SUCLG2: variants seen among roughly 807,000 people sequenced by gnomAD.
SUCLG2 encodes the protein succinate-CoA ligase GDP-forming subunit beta, also known as succinate--CoA ligase [GDP-forming] subunit beta, mitochondrial.
Under a neutral mutation model 47.9 loss-of-function variants are expected in SUCLG2, and 42 were observed. The observed-to-expected ratio is 0.88, with a 90% CI of 0.69 to 1.14. The LOEUF is 1.14. Ranked by LOEUF, SUCLG2 falls within the 50% of genes most tolerant of loss-of-function variation. The pLI is 0.00. For missense variants in SUCLG2, 571 were observed against 525.9 expected, an observed-to-expected ratio of 1.09 and a Z score of -0.84; for synonymous variants, 195 against 197.3, an observed-to-expected ratio of 0.99 and a Z score of 0.10.
chr3:67,415,876 T>C (rs1454557391), intron 9 of SUCLG2, among the ~76,000 whole-genome samples: 1 of 152,332 alleles, frequency 6.6e-6, no homozygotes, highest in East Asian at 1.9e-4. Context: ...CATGACAGTG[T>C]GCGACTTTTG....
intron 2 of SUCLG2, among the ~76,000 whole-genome samples, chr3:67,596,470 T>C (rs535309016): frequency 1.3e-5 from 2 of 152,192 alleles, no homozygotes; most frequent in Non-Finnish European, 2.9e-5. Flanking sequence ...AAAGGGAAAG[T>C]AGTTTTTGCC....
chr3:67,553,550 AAATTT>A (rs1047714182), intron 2 of SUCLG2, among the ~76,000 whole-genome samples: 5 of 152,314 alleles, frequency 3.3e-5, no homozygotes, highest in South Asian at 2.1e-4. Flanking sequence ...TATCATTTAC[AAATTT>A]AATTTAATTT....
At chr3:67,652,971 C>T (rs751593949) in intron 1 of SUCLG2, among the ~76,000 whole-genome samples, 1 of 152,172 alleles carries the variant, frequency 6.6e-6, no homozygotes, top group Non-Finnish European at 1.5e-5. Flanking sequence ...ATCACAGTAA[C>T]CAGATGGGGC....
At chr3:67,372,372 T>C (rs1381256051), downstream of SUCLG2, among the ~76,000 whole-genome samples, 2 of 147,086 alleles carry the variant, frequency 1.4e-5, no homozygotes, top group Non-Finnish European at 1.5e-5. Context: ...AGTAATGTGG[T>C]GGGGATCAAG....
chr3:67,516,829 C>T (rs566910826), intron 6 of SUCLG2, among the ~76,000 whole-genome samples: 20 of 152,272 alleles, frequency 1.3e-4, no homozygotes, highest in South Asian at 8.3e-4. Flanking sequence ...AGCTGACTGC[C>T]AGACAGTGCA....
intron 9 of SUCLG2, among the ~76,000 whole-genome samples, chr3:67,423,327 T>C (rs534694937): frequency 3.1e-4 from 47 of 152,312 alleles, no homozygotes; most frequent in Non-Finnish European, 7.4e-5. Context: ...CATGCGGAAC[T>C]GTGAGTCAAT....
chr3:67,475,185 T>C (rs927314178), intron 9 of SUCLG2, among the ~76,000 whole-genome samples: 2 of 152,196 alleles, frequency 1.3e-5, no homozygotes, highest in African/African-American at 2.4e-5. Context: ...CTCCTGACAC[T>C]GTAGGAGAAT....
At chr3:67,528,072 T>C in intron 4 of SUCLG2, 60 bp downstream of exon 4, 4 of 1,455,610 alleles carry the variant, frequency 2.7e-6, no homozygotes, top group South Asian at 1.2e-5. Flanking sequence ...AACTGAAGGA[T>C]GGTTTTCTTT....
At position 67,600,669 on chromosome 3, in the gene SUCLG2, C is replaced by T. The variant is rs540594315; in HGVS notation, c.226+8786G>A. Among the ~76,000 whole-genome samples the T allele has an allele frequency of 3.9e-4, 59 of 152,304 alleles. No individual in the cohort carries two copies. In the South Asian group the frequency reaches 0.012, roughly 31 times the overall value. On this transcript the variant is annotated intron_variant, in intron 2 of 10. Transcript: ENST00000307227. ...AAGCATGGATTGAAACTGTATTTCC[C>T]AGCCACCCTTGAAGTTGGTTGAGAT...
intron 2 of SUCLG2, among the ~76,000 whole-genome samples, chr3:67,599,122 A>T (rs1708359274): frequency 6.6e-6 from 1 of 152,216 alleles, no homozygotes; most frequent in Admixed American, 6.5e-5. Flanking sequence ...TCTCCTAGGA[A>T]TCATTATTAC....
chr3:67,490,553 C>G (rs1403879756), intron 9 of SUCLG2, among the ~76,000 whole-genome samples: 2 of 152,154 alleles, frequency 1.3e-5, no homozygotes, highest in Non-Finnish European at 2.9e-5. Context: ...TTACACCTTC[C>G]ATCAATTTCA....
chr3:67,423,090 C>A (rs749446354), intron 9 of SUCLG2, among the ~76,000 whole-genome samples: 16 of 152,160 alleles, frequency 1.1e-4, no homozygotes, highest in Non-Finnish European at 1.8e-4. Context: ...CCACCCAAAT[C>A]TCACCTTGCA....
intron 10 of SUCLG2, among the ~76,000 whole-genome samples, chr3:67,389,871 A>G: frequency 6.6e-6 from 1 of 152,140 alleles, no homozygotes; most frequent in Middle Eastern, 3.2e-3. Context: ...TTCTTTATTC[A>G]TATCAATATT....
At chr3:67,484,932 T>C (rs544994815) in intron 9 of SUCLG2, among the ~76,000 whole-genome samples, 1 of 152,296 alleles carries the variant, frequency 6.6e-6, no homozygotes, top group Admixed American at 6.5e-5. Context: ...ATAAATCATT[T>C]GAGGATTCTA....
chr3:67,417,208 G>A (rs962166880), intron 9 of SUCLG2, among the ~76,000 whole-genome samples: 1 of 152,152 alleles, frequency 6.6e-6, no homozygotes, highest in Non-Finnish European at 1.5e-5. Flanking sequence ...AAGATACTTG[G>A]TGTAACTGTA....
intron 9 of SUCLG2, among the ~76,000 whole-genome samples, chr3:67,442,081 G>A (rs1703779515): frequency 6.9e-6 from 1 of 144,370 alleles, no homozygotes; most frequent in Non-Finnish European, 1.5e-5. Flanking sequence ...CGGGATCTCA[G>A]CTCACTGCAA....
chr3:67,611,742 C>T (rs1220635576), intron 1 of SUCLG2, among the ~76,000 whole-genome samples: 1 of 152,170 alleles, frequency 6.6e-6, no homozygotes, highest in East Asian at 1.9e-4. Context: ...TTCATCAGAA[C>T]ACTCGCCATA....
At chr3:67,629,324 A>G (rs1257900391) in intron 1 of SUCLG2, among the ~76,000 whole-genome samples, 1 of 152,356 alleles carries the variant, frequency 6.6e-6, no homozygotes, top group East Asian at 1.9e-4. Flanking sequence ...TCCAGATGCC[A>G]GCTGCAAACA....
At chr3:67,547,663 A>C (rs959679855) in intron 2 of SUCLG2, among the ~76,000 whole-genome samples, 1 of 152,178 alleles carries the variant, frequency 6.6e-6, no homozygotes, top group Non-Finnish European at 1.5e-5. Flanking sequence ...AAAGCTAAAA[A>C]CAGAATAACT....
Sources: gnomAD v4.1 joint callset for allele counts (sites outside exome capture counted in the v4.1 genomes callset) on GRCh38, gnomAD v4.1.1 for gene constraint, MANE v1.5 for transcripts, NCBI Gene and HGNC (gene_info 2026-07-23, HGNC 2026-07-21) for gene names.